The following TMEM178B variants were observed in gnomAD, a reference collection of about 807,000 sequenced individuals.
TMEM178B encodes transmembrane protein 178B.
In TMEM178B, 5 loss-of-function variants were observed where a neutral mutation model predicts 31.0. The ratio of observed to expected loss-of-function variants is 0.16; its 90% CI spans 0.08 to 0.34. The LOEUF (loss-of-function observed/expected upper bound fraction) is 0.34, where lower values mean the gene tolerates loss of function less well. TMEM178B is among the 10% of genes least tolerant of loss of function. The pLI, the probability that TMEM178B is intolerant of heterozygous loss-of-function variation, is 1.00. For missense variants in TMEM178B, 275 were observed against 400.3 expected (o/e 0.69, Z 2.67); for synonymous variants, 164 against 164.0 (o/e 1.00, Z 0.00).
chr7:141,196,755 C>T (rs969152414), intron 1 of TMEM178B, among the ~76,000 whole-genome samples: 1 of 152,038 alleles, frequency 6.6e-6, no homozygotes, highest in Non-Finnish European at 1.5e-5. Context: ...TTGGGGATCT[C>T]GTGCATGTGT....
intron 2 of TMEM178B, among the ~76,000 whole-genome samples, chr7:141,316,631 C>T (rs142685326): frequency 1.3e-5 from 2 of 152,158 alleles, no homozygotes; most frequent in East Asian, 3.9e-4. Context: ...TTACCTCTGA[C>T]ATTTGCAAGT....
chr7:141,442,395 C>T (rs1269294007), intron 3 of TMEM178B, among the ~76,000 whole-genome samples: 1 of 152,204 alleles, frequency 6.6e-6, no homozygotes, highest in African/African-American at 2.4e-5. Flanking sequence ...CATAATTTTA[C>T]TTAAAACCAT....
chr7:141,175,772 T>C (rs1040988168), intron 1 of TMEM178B, among the ~76,000 whole-genome samples: 4 of 152,168 alleles, frequency 2.6e-5, no homozygotes, highest in Non-Finnish European at 5.9e-5. Flanking sequence ...CTGTTATTGG[T>C]GTATAGGAAT....
At chr7:141,076,086 C>T (rs1425506291) in intron 1 of TMEM178B, among the ~76,000 whole-genome samples, 2 of 152,082 alleles carry the variant, frequency 1.3e-5, no homozygotes, top group African/African-American at 2.4e-5. Context: ...TTAATACAAC[C>T]AATATCCCAT....
chr7:141,309,960 A>T, intron 2 of TMEM178B, among the ~76,000 whole-genome samples: 1 of 152,198 alleles, frequency 6.6e-6, no homozygotes, highest in Non-Finnish European at 1.5e-5. Flanking sequence ...ACTTAAATGT[A>T]ACACCCCAAA....
chr7:141,262,939 C>T (rs1170694654), intron 2 of TMEM178B, among the ~76,000 whole-genome samples: 1 of 152,126 alleles, frequency 6.6e-6, no homozygotes, highest in Non-Finnish European at 1.5e-5. Flanking sequence ...AGGCCTTTAC[C>T]ACCAAAATGC....
chr7:141,122,029 G>A (rs1021657542), intron 1 of TMEM178B, among the ~76,000 whole-genome samples: 3 of 152,074 alleles, frequency 2.0e-5, no homozygotes, highest in Non-Finnish European at 2.9e-5. Flanking sequence ...GGTAGATTTC[G>A]TGAGGGTAGG....
intron 1 of TMEM178B, among the ~76,000 whole-genome samples, chr7:141,130,125 T>C (rs1385298681): frequency 6.6e-6 from 1 of 152,160 alleles, no homozygotes; most frequent in East Asian, 1.9e-4. Context: ...AGAGAAAGAT[T>C]TAGCTATATT....
intron 1 of TMEM178B, among the ~76,000 whole-genome samples, chr7:141,187,927 G>A (rs1333134150): frequency 3.9e-5 from 6 of 152,076 alleles, no homozygotes; most frequent in Admixed American, 6.6e-5. Context: ...CTTTTGCTGT[G>A]CAGAAGCTCT....
chr7:141,198,620 C>T (rs1796824259), intron 1 of TMEM178B, among the ~76,000 whole-genome samples: 1 of 152,216 alleles, frequency 6.6e-6, no homozygotes, highest in Admixed American at 6.5e-5. Flanking sequence ...GGCCTCCTTC[C>T]CCTTGCTGGC....
At chr7:141,410,488 TCTCCTTCCTTCCTTCC>T (rs1249697286) in intron 2 of TMEM178B, among the ~76,000 whole-genome samples, 5 of 142,686 alleles carry the variant, frequency 3.5e-5, no homozygotes, top group African/African-American at 1.3e-4. Flanking sequence ...TTTTTCTTTC[TCTCCTTCCTTCCTTCC>T]CTCCTTCCTT....
At chr7:141,369,316 CGTGTGTGTGTGTGTGT>C (rs55960871) in intron 2 of TMEM178B, among the ~76,000 whole-genome samples, 2 of 138,448 alleles carry the variant, frequency 1.4e-5, no homozygotes, top group East Asian at 2.1e-4. Context: ...TCCGCGCCGA[CGTGTGTGTGTGTGTGT>C]GTGTGTGTGT....
At chr7:141,090,298 C>T (rs1264635415) in intron 1 of TMEM178B, among the ~76,000 whole-genome samples, 1 of 152,206 alleles carries the variant, frequency 6.6e-6, no homozygotes, top group Non-Finnish European at 1.5e-5. Context: ...GGTCCTCCCA[C>T]CTCAGCATCC....
chr7:141,435,337 A>C (rs1801515376), intron 2 of TMEM178B, among the ~76,000 whole-genome samples: 1 of 152,246 alleles, frequency 6.6e-6, no homozygotes, highest in Non-Finnish European at 1.5e-5. Context: ...CATTGAAAAT[A>C]AGCTGTTCTC....
At chr7:141,510,404 G>C in the TMEM178B span, among the ~76,000 whole-genome samples, 1 of 152,090 alleles carries the variant, frequency 6.6e-6, no homozygotes, top group African/African-American at 2.4e-5. Context: ...GGAGCTCAGG[G>C]GCCGGGCGCG....
chr7:141,369,210 A>C (rs1273400330), intron 2 of TMEM178B, among the ~76,000 whole-genome samples: 2 of 152,056 alleles, frequency 1.3e-5, no homozygotes, highest in East Asian at 3.9e-4. Context: ...GTATTTGTTG[A>C]ATTAATAAAG....
intron 1 of TMEM178B, among the ~76,000 whole-genome samples, chr7:141,164,527 G>A (rs967366702): frequency 1.3e-5 from 2 of 152,118 alleles, no homozygotes; most frequent in East Asian, 1.9e-4. Flanking sequence ...CAGCTCTTTG[G>A]TTCTGTTACT....
chr7:141,406,513 T>C lies in TMEM178B; in HGVS notation c.497-31095T>C, dbSNP rs574164716. 5.9e-5 allele frequency among the ~76,000 whole-genome samples: 9 copies of C among 152,362 alleles called. No individual in the cohort carries two copies. In the South Asian group the frequency reaches 1.9e-3, roughly 32 times the overall value. Reference sequence around the variant, plus strand: ...GCCCCACATCACTTGGAGAGCTGTGTCTATGTTTATTGAGGTTACTTATCA... The same window carrying C: ...GCCCCACATCACTTGGAGAGCTGTGCCTATGTTTATTGAGGTTACTTATCA... On this transcript the variant is annotated intron_variant, in intron 2 of 3. Coordinates refer to ENST00000565468, the MANE Select transcript of TMEM178B (RefSeq NM_001195278.2).
At chr7:141,277,605 A>G (rs1798286889) in intron 2 of TMEM178B, among the ~76,000 whole-genome samples, 1 of 152,206 alleles carries the variant, frequency 6.6e-6, no homozygotes, top group South Asian at 2.1e-4. Context: ...AAAGTATAGT[A>G]TAGTAAATAC....
Sources: gnomAD v4.1 joint callset for allele counts (sites outside exome capture counted in the v4.1 genomes callset) on GRCh38, gnomAD v4.1.1 for gene constraint, MANE v1.5 for transcripts, NCBI Gene and HGNC (gene_info 2026-07-23, HGNC 2026-07-21) for gene names.